Variants in MTUS2 observed in about 807,000 individuals in gnomAD.
The protein encoded by MTUS2 is microtubule-associated tumor suppressor candidate 2.
MTUS2 carries 40 observed loss-of-function variants against 114.1 expected under a neutral mutation model. The observed-to-expected ratio is 0.35, with a 90% CI of 0.27 to 0.46. The LOEUF (loss-of-function observed/expected upper bound fraction) is 0.46, where lower values mean the gene tolerates loss of function less well. Ranked by LOEUF, MTUS2 falls within the 20% of genes least tolerant of loss-of-function variation. The pLI, the probability that MTUS2 is intolerant of heterozygous loss-of-function variation, is 1.00. For synonymous variants in MTUS2, 688 were observed against 672.0 expected (o/e 1.02, Z -0.37); for missense variants, 1,679 against 1,705.4 (o/e 0.98, Z 0.27).
rs1202421053 is a variant in MTUS2 at position 29,486,668 on chromosome 13, G to A, written c.3400-1232G>A. On this transcript the variant is annotated intron_variant, in intron 10 of 15. Coordinates refer to ENST00000612955, the MANE Select transcript of MTUS2 (RefSeq NM_001033602.4). ...ATAAATGTAGTGGCCTCTAACTAGCGTTTTGTAAAACAAAGTAAAATAGAG... is the reference window on the plus strand; with the variant it reads ...ATAAATGTAGTGGCCTCTAACTAGCATTTTGTAAAACAAAGTAAAATAGAG... Among the ~76,000 whole-genome samples the A allele has an allele frequency of 2.6e-5, 4 of 152,328 alleles. No homozygotes were observed. In the East Asian group the frequency reaches 5.8e-4, roughly 22 times the overall value.
chr13:29,071,409 AT>A (rs751020009), intron 4 of MTUS2, among the ~76,000 whole-genome samples: 18 of 46,138 alleles, frequency 3.9e-4, no homozygotes, highest in East Asian at 1.8e-3. Context: ...TGTTGCTTGA[AT>A]TTTTTTTTTT....
intron 6 of MTUS2, among the ~76,000 whole-genome samples, chr13:29,287,401 C>T (rs182690837): frequency 1.3e-5 from 2 of 152,172 alleles, no homozygotes; most frequent in Non-Finnish European, 2.9e-5. Flanking sequence ...TCCCTATTCT[C>T]GCTCGTGGTG....
At chr13:29,347,530 T>TAAA (rs34713870) in intron 7 of MTUS2, among the ~76,000 whole-genome samples, 65 of 148,984 alleles carry the variant, frequency 4.4e-4, no homozygotes, top group African/African-American at 1.4e-3. Flanking sequence ...TTTGGATGAT[T>TAAA]AAAAAAAAAA....
At chr13:29,483,481 C>A (rs115986441) in intron 10 of MTUS2, among the ~76,000 whole-genome samples, 4 of 152,232 alleles carry the variant, frequency 2.6e-5, no homozygotes, top group Admixed American at 2.0e-4. Context: ...TAGAACACCG[C>A]TTCTCAGCCT....
chr13:29,297,427 TG>T (rs112451389), intron 6 of MTUS2, among the ~76,000 whole-genome samples: 156 of 152,330 alleles, frequency 1.0e-3, no homozygotes, highest in African/African-American at 3.6e-3. Context: ...TCAAGGAAGC[TG>T]TAGTTTAGAG....
chr13:29,272,653 T>G (rs1322207168), intron 5 of MTUS2, among the ~76,000 whole-genome samples: 1 of 152,198 alleles, frequency 6.6e-6, no homozygotes, highest in African/African-American at 2.4e-5. Flanking sequence ...CTCATTACTT[T>G]GTAGGGGGAT....
chr13:29,303,021 A>C (rs1899277047), intron 6 of MTUS2, among the ~76,000 whole-genome samples: 1 of 152,236 alleles, frequency 6.6e-6, no homozygotes, highest in Non-Finnish European at 1.5e-5. Flanking sequence ...TGAGGCAACT[A>C]AGGTCTGGAG....
rs546352173 is a variant in MTUS2, at chr13:28,840,644, C to T, written c.-243+794C>T. ...ATGCTCATGATGAGCCCGATGCCTC[C>T]GTAAACATGGTGCTCTTCCACAGTG... is the stretch of plus-strand genomic sequence containing the variant. On this transcript the variant is annotated intron_variant, in intron 2 of 15. Transcript: ENST00000612955. Among the ~76,000 whole-genome samples the T allele has an allele frequency of 9.8e-4, 150 of 152,294 alleles. 1 individual carries two copies. In the South Asian group the frequency reaches 0.028, roughly 28 times the overall value.
At position 29,302,866 on chromosome 13, in the gene MTUS2, C is replaced by A. The variant is rs1363034202; in HGVS notation, c.2806+21001C>A. ...CTCCTGACTGGGTGAGACCTCCCAA[C>A]TGGGGTCTCTGGCCACCTCCTACAG... is the stretch of plus-strand genomic sequence containing the variant. On this transcript the variant is annotated intron_variant, in intron 6 of 15. Transcript: ENST00000612955. Among the ~76,000 whole-genome samples, 5 of 152,226 alleles carry A rather than the reference C, an allele frequency of 3.3e-5. No homozygotes were observed. In the East Asian group the frequency reaches 7.7e-4, roughly 23 times the overall value.
intron 5 of MTUS2, among the ~76,000 whole-genome samples, chr13:29,274,676 T>A (rs1043908116): frequency 2.0e-5 from 3 of 152,224 alleles, no homozygotes; most frequent in Admixed American, 2.0e-4. Flanking sequence ...AAATGTTTAT[T>A]CAAATCCCTT....
chr13:28,948,982 C>T (rs1882676799), intron 2 of MTUS2, among the ~76,000 whole-genome samples: 1 of 152,188 alleles, frequency 6.6e-6, no homozygotes, highest in African/African-American at 2.4e-5. Flanking sequence ...CTTAACATCT[C>T]TGAGCTTCAT....
At chr13:28,883,489 A>C (rs942016865) in intron 2 of MTUS2, among the ~76,000 whole-genome samples, 4 of 152,230 alleles carry the variant, frequency 2.6e-5, no homozygotes, top group African/African-American at 9.6e-5. Flanking sequence ...CTGTTGATAC[A>C]TGCAGCAACT....
intron 2 of MTUS2, among the ~76,000 whole-genome samples, chr13:28,899,666 T>C (rs767670511): frequency 1.1e-4 from 16 of 152,086 alleles, no homozygotes; most frequent in Non-Finnish European, 2.1e-4. Flanking sequence ...CGTCTCGGCC[T>C]CCCAAAGTGC....
intron 7 of MTUS2, among the ~76,000 whole-genome samples, chr13:29,356,263 A>G (rs1259631218): frequency 6.6e-6 from 1 of 152,162 alleles, no homozygotes; most frequent in Non-Finnish European, 1.5e-5. Flanking sequence ...CCACCACACC[A>G]ACACCACTTC....
At chr13:29,458,257 C>G (rs1420790960) in intron 9 of MTUS2, among the ~76,000 whole-genome samples, 1 of 152,166 alleles carries the variant, frequency 6.6e-6, no homozygotes, top group Non-Finnish European at 1.5e-5. Context: ...AATCTCAGCA[C>G]TTAAAGACTG....
chr13:28,825,210 A>G (rs754170357), intron 1 of MTUS2, among the ~76,000 whole-genome samples: 6 of 152,184 alleles, frequency 3.9e-5, no homozygotes, highest in Non-Finnish European at 7.3e-5. Context: ...AATCCAGCCT[A>G]GACCATACCT....
intron 1 of MTUS2, among the ~76,000 whole-genome samples, chr13:28,831,221 T>G (rs752149157): frequency 3.3e-5 from 5 of 151,884 alleles, no homozygotes; most frequent in African/African-American, 1.2e-4. Context: ...AGGGCAGTAG[T>G]GGAGGAACAA....
Position 28,957,125 on chromosome 13 carries a change from C to T in MTUS2, c.-242-67332C>T, listed in dbSNP as rs116627173. Reference sequence around the variant, plus strand: ...ATCACAGTGTACAAAGAGCTCTGGACGTGGAGATAATGGTTGGATTCTCAC... The same window carrying T: ...ATCACAGTGTACAAAGAGCTCTGGATGTGGAGATAATGGTTGGATTCTCAC... On this transcript the variant is annotated intron_variant, in intron 2 of 15. Coordinates refer to ENST00000612955, the MANE Select transcript of MTUS2 (RefSeq NM_001033602.4). 5.9e-3 allele frequency among the ~76,000 whole-genome samples: 891 copies of T among 152,250 alleles called. 12 individuals are homozygous for T. The highest frequency in any genetic ancestry group is 0.02 in the African/African-American group (843 of 41,552).
chr13:29,350,856 G>C (rs144061344), intron 7 of MTUS2, among the ~76,000 whole-genome samples: 119 of 151,528 alleles, frequency 7.9e-4, no homozygotes, highest in African/African-American at 2.7e-3. Context: ...TCTTATAAGA[G>C]CACTAATCCC....
Sources: gnomAD v4.1 joint callset for allele counts (sites outside exome capture counted in the v4.1 genomes callset) on GRCh38, gnomAD v4.1.1 for gene constraint, MANE v1.5 for transcripts, NCBI Gene and HGNC (gene_info 2026-07-23, HGNC 2026-07-21) for gene names.